Variants in TANC1 observed in about 807,000 individuals in gnomAD.
TANC1 encodes the protein protein TANC1.
A neutral mutation model predicts 149.7 loss-of-function variants in TANC1; 77 were observed. The observed-to-expected ratio is 0.51, with a 90% CI of 0.43 to 0.62. The LOEUF (loss-of-function observed/expected upper bound fraction) is 0.62, where lower values mean the gene tolerates loss of function less well. Ranked by LOEUF, TANC1 falls within the 20% of genes least tolerant of loss-of-function variation. The pLI is 0.00. For missense variants in TANC1, 1,985 were observed against 2,321.8 expected (o/e 0.85, Z 2.98); for synonymous variants, 854 against 925.0 (o/e 0.92, Z 1.39).
intron 4 of TANC1, among the ~76,000 whole-genome samples, chr2:159,107,446 C>T (rs1406102651): frequency 2.6e-5 from 4 of 152,196 alleles, no homozygotes; most frequent in Non-Finnish European, 1.5e-5. Context: ...CATAAAGATA[C>T]ATATCCCTGT....
chr2:159,042,836 G>A (rs1023673439), intron 2 of TANC1, among the ~76,000 whole-genome samples: 2 of 152,140 alleles, frequency 1.3e-5, no homozygotes, highest in African/African-American at 4.8e-5. Context: ...CCTGAGGGGT[G>A]AGGCAGGAGA....
rs539821369 is a variant in TANC1 at position 159,196,705 on chromosome 2, C to T, written c.3077C>T (p.Ser1026Leu). The change falls in exon 18 of 27, where the codon TCG becomes TTG. Residue 1026 changes from serine (S) to leucine (L), a missense_variant. Ser to Leu is a moderately radical substitution (Grantham distance 145). Coordinates refer to ENST00000263635, the MANE Select transcript of TANC1 (RefSeq NM_033394.3). ...ILQYLLTCEW[S>L]PGPPQPGTLR... is the part of the protein sequence containing the mutation. ...CAGTACCTGCTGACTTGTGAGTGGT[C>T]GCCGGGTCCTCCCCAGCCAGGCACC... 3.8e-5 allele frequency: 61 copies of T among 1,613,882 alleles called. No homozygotes were observed. In the South Asian group the frequency reaches 5.2e-4, roughly 14 times the overall value.
At chr2:159,067,519 C>T (rs2042775624) in intron 3 of TANC1, among the ~76,000 whole-genome samples, 1 of 152,168 alleles carries the variant, frequency 6.6e-6, no homozygotes, top group Non-Finnish European at 1.5e-5. Flanking sequence ...GGACATTCAC[C>T]CTCTGCTGGG....
intron 3 of TANC1, among the ~76,000 whole-genome samples, chr2:159,089,261 C>T (rs2045284733): frequency 6.6e-6 from 1 of 152,142 alleles, no homozygotes; most frequent in Admixed American, 6.5e-5. Flanking sequence ...CTGGCAGTCT[C>T]TTCCTTTTAG....
In TANC1 at chr2:159,194,436, C is replaced by A. The variant is rs771366025; in HGVS notation, c.2922C>A (p.Tyr974Ter). Reference sequence around the variant, plus strand: ...AGAACGGCATGACTGCCCTCTGTTACGCAGCAGCTGCTGGCCACATGAAGC... The same window carrying A: ...AGAACGGCATGACTGCCCTCTGTTAAGCAGCAGCTGCTGGCCACATGAAGC... The part of the protein sequence containing the change: ...TSENGMTALC[Y>*]AAAAGHMKLV... The change falls in exon 17 of 27, where the codon TAC (tyrosine) becomes TAA (stop). Residue 974 changes from tyrosine (Y) to a stop codon, truncating the protein, a stop_gained. Coordinates refer to ENST00000263635, the MANE Select transcript of TANC1 (RefSeq NM_033394.3). LOFTEE classifies it high-confidence loss of function. 1 of 1,614,270 alleles carries A rather than the reference C, an allele frequency of 6.2e-7. No homozygotes were observed. The highest frequency in any genetic ancestry group is 8.5e-7 in the Non-Finnish European group (1 of 1,180,054).
At position 159,194,347 on chromosome 2, in the gene TANC1, C is replaced by T. The variant is rs1575187192; in HGVS notation, c.2833C>T (p.Leu945Phe). 6.2e-7 allele frequency: 1 copy of T among 1,614,266 alleles called. No homozygotes were observed. The highest frequency in any genetic ancestry group is 8.5e-7 in the Non-Finnish European group (1 of 1,180,050). The change falls in exon 17 of 27, where the codon CTT (leucine) becomes TTT (phenylalanine). Residue 945 changes from leucine (L) to phenylalanine (F), a missense_variant. Leu to Phe is a conservative substitution (Grantham distance 22). Around this residue, in one of 3 missense-constraint regions of TANC1, gnomAD observed 508 missense variants for 714.2 expected, o/e 0.71. Transcript: ENST00000263635. ...CCCAATCCTGTGCGTCCAGTCTCAC[C>T]TTGGCCACGAGGAAGTTGTCACTCT... ...NAPILCVQSH[L>F]GHEEVVTLLL...
chr2:159,009,890 TA>T (rs35324635), intron 2 of TANC1, among the ~76,000 whole-genome samples: 44,958 of 147,840 alleles, frequency 0.3, 7,011 homozygotes, highest in East Asian at 0.5. Context: ...ATTTACAAAT[TA>T]AAAAAAAAAA....
At chr2:159,153,008 A>G (rs2053021791) in intron 7 of TANC1, among the ~76,000 whole-genome samples, 2 of 152,084 alleles carry the variant, frequency 1.3e-5, no homozygotes. Context: ...CATGTTCCCC[A>G]TAGTGTCTCA....
chr2:159,089,156 A>G (rs1372386216), intron 3 of TANC1, among the ~76,000 whole-genome samples: 1 of 151,058 alleles, frequency 6.6e-6, no homozygotes, highest in Non-Finnish European at 1.5e-5. Context: ...CTGATGTTTT[A>G]TAGACTGGAG....
chr2:159,067,078 T>A (rs2042734875), intron 3 of TANC1, among the ~76,000 whole-genome samples: 1 of 152,234 alleles, frequency 6.6e-6, no homozygotes, highest in Non-Finnish European at 1.5e-5. Flanking sequence ...TTTTAATTTC[T>A]GTTTTAAGAA....
intron 2 of TANC1, among the ~76,000 whole-genome samples, chr2:159,058,979 C>T (rs1214833870): frequency 6.6e-6 from 1 of 152,126 alleles, no homozygotes; most frequent in Non-Finnish European, 1.5e-5. Flanking sequence ...CAATTTCATG[C>T]CCAGAACTCT....
At chr2:159,045,921 G>A (rs2041003427) in intron 2 of TANC1, among the ~76,000 whole-genome samples, 1 of 152,184 alleles carries the variant, frequency 6.6e-6, no homozygotes, top group Admixed American at 6.5e-5. Context: ...TTCAACCAGA[G>A]TTTAGGCTTA....
intron 2 of TANC1, among the ~76,000 whole-genome samples, chr2:159,059,888 TTGTGTGTGTGTG>T (rs140659801): frequency 2.4e-3 from 272 of 114,816 alleles, no homozygotes; most frequent in Non-Finnish European, 2.9e-3. Flanking sequence ...GCAGACCTCT[TTGTGTGTGTGTG>T]TGTGTGTGTG....
intron 7 of TANC1, among the ~76,000 whole-genome samples, chr2:159,156,779 CTG>C (rs1342846708): frequency 3.9e-5 from 6 of 152,226 alleles, no homozygotes; most frequent in African/African-American, 1.2e-4. Flanking sequence ...TATCAAAACA[CTG>C]TGCTTTTTCT....
chr2:159,112,452 C>T (rs781436906), intron 4 of TANC1, among the ~76,000 whole-genome samples: 4 of 151,986 alleles, frequency 2.6e-5, no homozygotes, highest in Non-Finnish European at 4.4e-5. Flanking sequence ...GACAGGATTT[C>T]ACCATGTTGC....
At chr2:159,049,243 C>T (rs1399500548) in intron 2 of TANC1, among the ~76,000 whole-genome samples, 2 of 152,102 alleles carry the variant, frequency 1.3e-5, no homozygotes, top group Non-Finnish European at 2.9e-5. Context: ...AATTTAGGGG[C>T]AGTGCTGTGT....
At chr2:159,200,033 G>A (rs539840815) in intron 19 of TANC1, among the ~76,000 whole-genome samples, 25 of 152,330 alleles carry the variant, frequency 1.6e-4, no homozygotes, top group Admixed American at 5.2e-4. Flanking sequence ...TTCCAGCGGA[G>A]TTGGATTATG....
At position 159,118,845 on chromosome 2, in the gene TANC1, T is replaced by C. The variant is rs10194842; in HGVS notation, c.260-17349T>C. 5.3e-3 allele frequency among the ~76,000 whole-genome samples: 810 copies of C among 152,230 alleles called. 2 individuals carry two copies. The highest frequency in any genetic ancestry group is 0.019 in the African/African-American group (787 of 41,518). On this transcript the variant is annotated intron_variant, in intron 4 of 26. Coordinates refer to ENST00000263635, the MANE Select transcript of TANC1 (RefSeq NM_033394.3). ...TTACCCTGTCTGCATGCTGTTCGAG[T>C]AGCTAAAGTACTTTAGAAAAGAAGA...
intron 3 of TANC1, among the ~76,000 whole-genome samples, chr2:159,088,463 T>C (rs2149836538): frequency 6.6e-6 from 1 of 152,310 alleles, no homozygotes; most frequent in African/African-American, 2.4e-5. Flanking sequence ...GTATCAGTTT[T>C]CCTTGACTAC....
Sources: gnomAD v4.1 joint callset for allele counts (sites outside exome capture counted in the v4.1 genomes callset) on GRCh38, gnomAD v4.1.1 for gene constraint, gnomAD v4.1.1 regional missense constraint, MANE v1.5 for transcripts, NCBI Gene and HGNC (gene_info 2026-07-23, HGNC 2026-07-21) for gene names.